Variants in GPR153 observed in about 807,000 individuals in gnomAD.
GPR153 encodes the protein probable G protein-coupled receptor 153.
A neutral mutation model predicts 34.1 loss-of-function variants in GPR153; 27 were observed. That is an observed-to-expected ratio of 0.79 (90% CI 0.58 to 1.09). The LOEUF (loss-of-function observed/expected upper bound fraction) is 1.09, where lower values mean the gene tolerates loss of function less well. Among genes scored for constraint, GPR153 ranks in the 50% least tolerant of loss-of-function variants. GPR153 has a pLI of 0.00. For missense variants in GPR153, 848 were observed against 860.2 expected, an observed-to-expected ratio of 0.99 and a Z score of 0.18; for synonymous variants, 408 against 405.4, an observed-to-expected ratio of 1.01 and a Z score of -0.08.
intron 1 of GPR153, among the ~76,000 whole-genome samples, chr1:6,260,024 G>A (rs1428334823): frequency 6.6e-6 from 1 of 152,120 alleles, no homozygotes; most frequent in Admixed American, 6.5e-5. Context: ...CCACTGCAGG[G>A]CCAACTGCAG....
chr1:6,260,391 GCAAT>G (rs1638648555), intron 1 of GPR153, among the ~76,000 whole-genome samples: 1 of 17,448 alleles, frequency 5.7e-5, no homozygotes, highest in African/African-American at 2.3e-4. Context: ...CCCCCCCCCC[GCAAT>G]CCCCGCTCCG....
chr1:6,260,501 G>C (rs1553153409), intron 1 of GPR153, among the ~76,000 whole-genome samples: 1 of 151,800 alleles, frequency 6.6e-6, no homozygotes, highest in Non-Finnish European at 1.5e-5. Context: ...AACCTGGCGG[G>C]ACTGCGGCCC....
At chr1:6,260,430 C>A (rs1354959009) in intron 1 of GPR153, among the ~76,000 whole-genome samples, 3 of 135,032 alleles carry the variant, frequency 2.2e-5, no homozygotes, top group East Asian at 5.2e-4. Flanking sequence ...GCCTGCTGGT[C>A]CCCAGTGGGT....
rs566532059 is a variant in GPR153 at position 6,252,617 on chromosome 1, C to T, written c.787-1087G>A. ...CCCTGACTCTGAAGCTGCCACCCCC[C>T]GAGTCACCATTCTGGAGCTCATGTC... On this transcript the variant is annotated intron_variant, in intron 3 of 5. Coordinates refer to ENST00000377893, the MANE Select transcript of GPR153 (RefSeq NM_207370.4). 1.3e-4 allele frequency among the ~76,000 whole-genome samples: 20 copies of T among 152,324 alleles called. No homozygotes were observed. The South Asian group carries it at 2.1e-3, about 16-fold the overall frequency.
chr1:6,256,789 T>A (rs1638577154), intron 1 of GPR153, among the ~76,000 whole-genome samples: 1 of 152,190 alleles, frequency 6.6e-6, no homozygotes, highest in South Asian at 2.1e-4. Flanking sequence ...GGGCAAGTGC[T>A]CCCACACCCG....
chr1:6,254,724 A>G lies in GPR153; in HGVS notation c.182T>C (p.Ile61Thr). 1 of 1,613,714 alleles carries G rather than the reference A, an allele frequency of 6.2e-7. No individual in the cohort carries two copies. The highest frequency in any genetic ancestry group is 8.5e-7 in the Non-Finnish European group (1 of 1,179,884). ...CAGCTGCACCACGGAGTAGGTGGCG[A>G]TGGGCACGGCCACATTTAGCATGTG... ...ATHMLNVAVP[I>T]ATYSVVQLRR... Residue 61 changes from isoleucine to threonine, a missense_variant, in exon 2 of 6, where the codon ATC (isoleucine) becomes ACC (threonine). Ile to Thr is a moderately conservative substitution (Grantham distance 89). Coordinates refer to ENST00000377893, the MANE Select transcript of GPR153 (RefSeq NM_207370.4).
At position 6,251,286 on chromosome 1, in the gene GPR153, T is replaced by A. The variant is rs528196206; in HGVS notation, c.979+52A>T. The A allele has an allele frequency of 2.5e-4, 356 of 1,446,204 alleles. 3 individuals are homozygous for A. The South Asian group carries it at 4.5e-3, about 18-fold the overall frequency. 89.6% of individuals were successfully genotyped at this position (1,446,204 alleles called of 1,614,324 possible). A position where few individuals can be genotyped will look rare whatever the true frequency, so the allele number is the denominator to read the frequency against. On this transcript the variant is annotated intron_variant, in intron 4 of 5. Transcript: ENST00000377893. This position sits in a 1 kb window ranked among gnomAD's most constrained non-coding sequence, Gnocchi z 4.9. ...ACAGCCGTTTTCCTGCCAACCCCAA[T>A]GACCTAACCTAGACGCCACTCTCCC...
At chr1:6,253,452 A>C (rs1446244360) in intron 3 of GPR153, among the ~76,000 whole-genome samples, 1 of 152,208 alleles carries the variant, frequency 6.6e-6, no homozygotes, top group Non-Finnish European at 1.5e-5. Flanking sequence ...GCCTTGGGCA[A>C]GGGGAGTAAA....
rs990609515 is a variant in GPR153 at position 6,249,663 on chromosome 1, G to T, written c.1505C>A (p.Ala502Asp). Residue 502 changes from alanine to aspartate, a missense_variant, in exon 6 of 6, where the codon GCC (alanine) becomes GAC (aspartate). Physicochemically the swap from Ala to Asp is moderately radical, Grantham distance 126 (BLOSUM62 -2). Transcript: ENST00000377893. The surrounding 1 kb of genome is among the most constrained non-coding windows in gnomAD (Gnocchi z 4.3). ...GCACTCGAAGGCGGTCAGGGCGAAGGCGTCGGGCAGCAGCGAGGCCGAGGC... is the reference window on the plus strand; with the variant it reads ...GCACTCGAAGGCGGTCAGGGCGAAGTCGTCGGGCAGCAGCGAGGCCGAGGC... ...RSASASLLPDAFALTAFECEP... is the reference protein window; with the variant it reads ...RSASASLLPDDFALTAFECEP... The T allele has an allele frequency of 3.7e-5, 40 of 1,076,560 alleles. No homozygotes were observed. The highest frequency in any genetic ancestry group is 4.2e-5 in the Non-Finnish European group (37 of 890,380). The allele number at this position is 1,076,560 out of a possible 1,614,324, so 66.7% of individuals were successfully genotyped here. A position where few individuals can be genotyped will look rare whatever the true frequency, so the allele number is the denominator to read the frequency against.
intron 5 of GPR153, 158 bp from the exon 6 acceptor site, chr1:6,250,161 A>T: frequency 1.0e-6 from 1 of 985,318 alleles, no homozygotes; most frequent in Non-Finnish European, 1.2e-6. Flanking sequence ...AGTCTCTTCG[A>T]GCCGCAGGGC....
chr1:6,249,215 G>A lies in GPR153; in HGVS notation c.*123C>T. The stretch of plus-strand genomic sequence containing the variant: ...CCGGAAGACAAACGCTGAGGCCAAC[G>A]CCCCCTCACCCCTGGGAGGGGTGGC... On this transcript the variant is annotated 3_prime_UTR_variant, in exon 6 of 6. Coordinates refer to ENST00000377893, the MANE Select transcript of GPR153 (RefSeq NM_207370.4). This position sits in a 1 kb window ranked among gnomAD's most constrained non-coding sequence, Gnocchi z 4.3. 2 of 688,548 alleles carry A rather than the reference G, an allele frequency of 2.9e-6. No homozygotes were observed. Among genetic ancestry groups the A allele is most frequent in the African/African-American group, 1.9e-5 (1 of 53,846 alleles). The allele number at this position is 688,548 out of a possible 1,614,324, so 42.7% of individuals were successfully genotyped here.
chr1:6,250,765 A>C, intron 4 of GPR153, 141 bp from the exon 5 acceptor site: 24 of 576,856 alleles, frequency 4.2e-5, no homozygotes, highest in East Asian at 1.2e-4. Flanking sequence ...TGAAAAGGGA[A>C]TGGGAGGGGT....
At chr1:6,257,653 G>A (rs1638594217) in intron 1 of GPR153, among the ~76,000 whole-genome samples, 1 of 152,240 alleles carries the variant, frequency 6.6e-6, no homozygotes, top group Admixed American at 6.5e-5. Flanking sequence ...GCCTGGAGAC[G>A]GCCAGTAGAC....
chr1:6,251,641 G>A lies in GPR153; in HGVS notation c.787-111C>T, dbSNP rs1638452543. On this transcript the variant is annotated intron_variant, in intron 3 of 5. Transcript: ENST00000377893. This position sits in a 1 kb window ranked among gnomAD's most constrained non-coding sequence, Gnocchi z 4.9. ...CGGCAGGTCTGACAGGTGGGTATCTGCCAAGGAGAAGGGGCCCTTGGGGAG... is the reference window on the plus strand; with the variant it reads ...CGGCAGGTCTGACAGGTGGGTATCTACCAAGGAGAAGGGGCCCTTGGGGAG... 8.2e-7 allele frequency: 1 copy of A among 1,222,494 alleles called. No individual in the cohort carries two copies. The highest frequency in any genetic ancestry group is 1.1e-6 in the Non-Finnish European group (1 of 908,260). 75.7% of individuals were successfully genotyped at this position (1,222,494 alleles called of 1,614,324 possible). A position where few individuals can be genotyped will look rare whatever the true frequency, so the allele number is the denominator to read the frequency against.
intron 1 of GPR153, among the ~76,000 whole-genome samples, chr1:6,255,642 G>GTTTTTTTTTTTTTTT (rs59403526): frequency 1.0e-4 from 4 of 38,840 alleles, no homozygotes; most frequent in African/African-American, 3.8e-4. Flanking sequence ...GCCTGGCTAC[G>GTTTTTTTTTTTTTTT]TTTTTTTTTT....
intron 1 of GPR153, among the ~76,000 whole-genome samples, chr1:6,258,683 T>A (rs1486557055): frequency 3.3e-5 from 5 of 152,198 alleles, no homozygotes; most frequent in African/African-American, 4.8e-5. Flanking sequence ...AATAGGAAAG[T>A]GGACTCAGCA....
At position 6,261,048 on chromosome 1, in the gene GPR153, GCCGCC is replaced by G. The variant is rs1638669443; in HGVS notation, c.-338_-334del. ...CCTCCCTCCCCTAGGCGCCGCCGCC[GCCGCC>G]GCGCTTCGCTCAGCTCCCGCCGCTC... On this transcript the variant is annotated 5_prime_UTR_variant, in exon 1 of 6. Transcript: ENST00000377893. 1 of 147,614 alleles carries G rather than the reference GCCGCC, an allele frequency of 6.8e-6. No individual in the cohort carries two copies. Among genetic ancestry groups the G allele is most frequent in the Admixed American group, 6.7e-5 (1 of 14,856 alleles). 9.1% of individuals were successfully genotyped at this position (147,614 alleles called of 1,614,324 possible).
At chr1:6,253,310 CGCTT>C (rs1553152593) in intron 3 of GPR153, among the ~76,000 whole-genome samples, 1 of 152,142 alleles carries the variant, frequency 6.6e-6, no homozygotes, top group Non-Finnish European at 1.5e-5. Flanking sequence ...GCAGGAGACT[CGCTT>C]GAACCCAGGA....
At chr1:6,250,030 C>A in intron 5 of GPR153, 27 bp from the exon 6 acceptor site, 1 of 1,255,828 alleles carries the variant, frequency 8.0e-7, no homozygotes, top group South Asian at 3.8e-5. Flanking sequence ...GGCTTTTACC[C>A]CGAGCTGCCC....
Sources: allele counts gnomAD v4.1 joint callset (sites outside exome capture counted in the v4.1 genomes callset), GRCh38; gene constraint gnomAD v4.1.1; non-coding constraint Gnocchi (gnomAD v3.1); transcripts MANE v1.5; gene names NCBI Gene and HGNC (gene_info 2026-07-23, HGNC 2026-07-21).